CDH10: variants seen among roughly 807,000 people sequenced by gnomAD.
The protein encoded by CDH10 is cadherin-10.
CDH10 carries 30 observed loss-of-function variants against 73.1 expected under a neutral mutation model. The observed-to-expected ratio is 0.41, with a 90% CI of 0.31 to 0.56. The LOEUF (loss-of-function observed/expected upper bound fraction) is 0.56. Ranked by LOEUF, CDH10 falls within the 20% of genes least tolerant of loss-of-function variation. The pLI, the probability that CDH10 is intolerant of heterozygous loss-of-function variation, is 0.27. For synonymous variants in CDH10, 345 were observed against 348.2 expected (o/e 0.99, Z 0.10); for missense variants, 815 against 973.7 (o/e 0.84, Z 2.17).
intron 8 of CDH10, among the ~76,000 whole-genome samples, 158 bp downstream of exon 8, chr5:24,504,953 GA>G (rs901896192): frequency 6.6e-6 from 1 of 151,732 alleles, no homozygotes; most frequent in African/African-American, 2.4e-5. Flanking sequence ...AAGAAATATT[GA>G]AAAAAAGTGT....
intron 1 of CDH10, chr5:24,610,006 C>A (rs72752038): frequency 0.081 from 12,390 of 152,212 alleles, 612 homozygotes; most frequent in African/African-American, 0.13. Context: ...GGGAGGGAAA[C>A]GCGGTAAAAG....
At chr5:24,521,081 C>T (rs1743311594) in intron 5 of CDH10, among the ~76,000 whole-genome samples, 1 of 151,944 alleles carries the variant, frequency 6.6e-6, no homozygotes. Flanking sequence ...CACAGTTCTG[C>T]TATATAAGAT....
At chr5:24,498,102 C>T (rs1420710163) in intron 9 of CDH10, among the ~76,000 whole-genome samples, 3 of 152,222 alleles carry the variant, frequency 2.0e-5, no homozygotes, top group Non-Finnish European at 2.9e-5. Flanking sequence ...TAGGGGTTTG[C>T]TTGTCTTTGT....
chr5:24,540,380 G>T (rs546713177), intron 2 of CDH10, among the ~76,000 whole-genome samples: 1 of 152,044 alleles, frequency 6.6e-6, no homozygotes, highest in Non-Finnish European at 1.5e-5. Flanking sequence ...CAAAAAAGCT[G>T]CTAAGATGGT....
rs1312462986 is a variant in CDH10 at position 24,611,660 on chromosome 5, T to C, written c.-123-18047A>G. On this transcript the variant is annotated intron_variant, in intron 1 of 11. Transcript: ENST00000264463. ...CACCAATGGTCCCTTCCTCCTGGTA[T>C]GCAAACCCTATGTGATCCCATCTTC... is the stretch of plus-strand genomic sequence containing the variant. Among the ~76,000 whole-genome samples the C allele has an allele frequency of 5.3e-5, 8 of 152,238 alleles. No individual in the cohort carries two copies. In the East Asian group the frequency reaches 1.5e-3, roughly 29 times the overall value.
chr5:24,506,886 GAATT>G (rs1220564156), intron 7 of CDH10, among the ~76,000 whole-genome samples: 1 of 152,114 alleles, frequency 6.6e-6, no homozygotes, highest in Admixed American at 6.6e-5. Flanking sequence ...TGTTCTTTCT[GAATT>G]AATTCTTGTA....
intron 2 of CDH10, among the ~76,000 whole-genome samples, chr5:24,576,669 A>G (rs879566365): frequency 6.6e-6 from 1 of 152,194 alleles, no homozygotes; most frequent in African/African-American, 2.4e-5. Flanking sequence ...GTGAATATAA[A>G]TAAATTACTA....
Position 24,625,169 on chromosome 5 carries a change from G to C in CDH10, c.-124+19425C>G, listed in dbSNP as rs566999718. ...CTGAAAATATAATAGGTTCATAAAA[G>C]GTTTAGATAAAAAACATGCAATAAA... On this transcript the variant is annotated intron_variant, in intron 1 of 11. Coordinates refer to ENST00000264463, the MANE Select transcript of CDH10 (RefSeq NM_006727.5). Among the ~76,000 whole-genome samples the C allele has an allele frequency of 2.0e-5, 3 of 152,140 alleles. No individual in the cohort carries two copies. In the South Asian group the frequency reaches 6.2e-4, roughly 32 times the overall value.
chr5:24,607,341 C>G (rs1031046631), intron 1 of CDH10, among the ~76,000 whole-genome samples: 2 of 151,952 alleles, frequency 1.3e-5, no homozygotes, highest in African/African-American at 2.4e-5. Flanking sequence ...TTTAGACTTA[C>G]AAGTATATGA....
At chr5:24,498,547 T>G (rs777385366) in intron 8 of CDH10, 28 bp from the exon 9 acceptor site, 55 of 1,560,716 alleles carry the variant, frequency 3.5e-5, no homozygotes, top group Admixed American at 1.9e-4. Flanking sequence ...AAATATTGTT[T>G]AGGAAGATAA....
intron 1 of CDH10, among the ~76,000 whole-genome samples, chr5:24,608,459 A>T (rs1746836174): frequency 6.6e-6 from 1 of 151,810 alleles, no homozygotes; most frequent in African/African-American, 2.4e-5. Flanking sequence ...CGCCCAGCTA[A>T]TTTTTGTATT....
intron 2 of CDH10, among the ~76,000 whole-genome samples, chr5:24,581,895 T>C (rs551218351): frequency 1.8e-4 from 28 of 152,142 alleles, no homozygotes; most frequent in Non-Finnish European, 1.2e-4. Context: ...ATTACAAAGA[T>C]GGAAGATTAC....
intron 2 of CDH10, among the ~76,000 whole-genome samples, chr5:24,574,620 T>A (rs1035662975): frequency 6.9e-6 from 1 of 144,110 alleles, no homozygotes; most frequent in African/African-American, 2.5e-5. Flanking sequence ...TATTGACATA[T>A]TGAATAATGT....
At chr5:24,538,272 CAT>C (rs530632776) in intron 2 of CDH10, among the ~76,000 whole-genome samples, 53 of 152,026 alleles carry the variant, frequency 3.5e-4, no homozygotes, top group Non-Finnish European at 5.9e-4. Flanking sequence ...CTACATAACA[CAT>C]GTCTGTAAAT....
At chr5:24,530,846 A>G (rs980011359) in intron 5 of CDH10, among the ~76,000 whole-genome samples, 1 of 152,138 alleles carries the variant, frequency 6.6e-6, no homozygotes, top group Non-Finnish European at 1.5e-5. Flanking sequence ...ACTAATGTGC[A>G]TATGTTAATG....
At chr5:24,563,597 C>CAAAA (rs70965616) in intron 2 of CDH10, among the ~76,000 whole-genome samples, 7,364 of 88,630 alleles carry the variant, frequency 0.083, 782 homozygotes, top group African/African-American at 0.21. Flanking sequence ...ACTAAAAATA[C>CAAAA]AAAAAAAAAA....
intron 2 of CDH10, among the ~76,000 whole-genome samples, chr5:24,551,413 A>T (rs890542152): frequency 2.6e-4 from 40 of 152,166 alleles, no homozygotes; most frequent in Middle Eastern, 3.4e-3. Context: ...AGTTTGAGGT[A>T]TTTTTTTAAC....
chr5:24,525,331 A>G (rs1464803470), intron 5 of CDH10, among the ~76,000 whole-genome samples: 2 of 152,042 alleles, frequency 1.3e-5, no homozygotes. Flanking sequence ...GAGATGAAAA[A>G]GGCATCATAT....
At chr5:24,552,362 T>C (rs1744578613) in intron 2 of CDH10, among the ~76,000 whole-genome samples, 2 of 152,150 alleles carry the variant, frequency 1.3e-5, no homozygotes, top group East Asian at 1.9e-4. Flanking sequence ...TATACATGCA[T>C]ATTAACTTCA....
Sources: allele counts gnomAD v4.1 joint callset (sites outside exome capture counted in the v4.1 genomes callset), GRCh38; gene constraint gnomAD v4.1.1; transcripts MANE v1.5; gene names NCBI Gene and HGNC (gene_info 2026-07-23, HGNC 2026-07-21).